TAFA1: variants seen among roughly 807,000 people sequenced by gnomAD.
The protein encoded by TAFA1 is TAFA chemokine like family member 1, also known as chemokine-like protein TAFA-1.
TAFA1 carries 4 observed loss-of-function variants against 18.5 expected under a neutral mutation model. The observed-to-expected ratio is 0.22, with a 90% CI of 0.11 to 0.49. TAFA1 has a LOEUF of 0.49. Ranked by LOEUF, TAFA1 falls within the 20% of genes least tolerant of loss-of-function variation. The pLI, the probability that TAFA1 is intolerant of heterozygous loss-of-function variation, is 0.98. For missense variants in TAFA1, 147 were observed against 169.0 expected (o/e 0.87, Z 0.72); for synonymous variants, 56 against 55.2 (o/e 1.01, Z -0.06).
At chr3:68,518,238 A>G (rs188102024) in intron 3 of TAFA1, among the ~76,000 whole-genome samples, 50 of 152,314 alleles carry the variant, frequency 3.3e-4, no homozygotes, top group African/African-American at 1.1e-3. Context: ...AAAATGAGAT[A>G]ATAGTAGTGC....
chr3:68,506,985 T>C (rs919059897), intron 3 of TAFA1, among the ~76,000 whole-genome samples: 2 of 152,104 alleles, frequency 1.3e-5, no homozygotes, highest in South Asian at 2.1e-4. Context: ...AGGAAGGTCT[T>C]CGATATTTTA....
At chr3:68,537,231 T>C (rs1190153941) in intron 3 of TAFA1, among the ~76,000 whole-genome samples, 3 of 152,142 alleles carry the variant, frequency 2.0e-5, no homozygotes, top group Admixed American at 1.3e-4. Context: ...CTTCATCTTC[T>C]GAAATTTTGA....
At chr3:68,383,094 G>A (rs2070010956) in intron 2 of TAFA1, among the ~76,000 whole-genome samples, 1 of 152,170 alleles carries the variant, frequency 6.6e-6, no homozygotes, top group Admixed American at 6.6e-5. Flanking sequence ...AGCTTAAGGA[G>A]CCTTTGGGCT....
intron 2 of TAFA1, among the ~76,000 whole-genome samples, chr3:68,019,279 GT>G (rs960148945): frequency 4.6e-5 from 7 of 152,092 alleles, no homozygotes; most frequent in Admixed American, 3.3e-4. Context: ...TGAAAGCATG[GT>G]TTTTTTCCTT....
intron 2 of TAFA1, among the ~76,000 whole-genome samples, chr3:68,331,400 C>T (rs2068867420): frequency 6.6e-6 from 1 of 151,976 alleles, no homozygotes; most frequent in Non-Finnish European, 1.5e-5. Context: ...GTACTAAATG[C>T]CACTAAATTT....
At chr3:68,503,711 A>G (rs1575930696) in intron 3 of TAFA1, among the ~76,000 whole-genome samples, 1 of 152,210 alleles carries the variant, frequency 6.6e-6, no homozygotes, top group East Asian at 1.9e-4. Context: ...CGTTTTTTGA[A>G]AAATCATTCC....
intron 4 of TAFA1, among the ~76,000 whole-genome samples, chr3:68,542,284 G>T (rs949995193): frequency 1.3e-5 from 2 of 152,052 alleles, no homozygotes; most frequent in African/African-American, 4.8e-5. Context: ...AAGTTTCATG[G>T]CCAAATTATT....
In TAFA1 at chr3:68,244,156, T is replaced by G. The variant is rs555773552; in HGVS notation, c.119-173124T>G. On this transcript the variant is annotated intron_variant, in intron 2 of 4. Transcript: ENST00000478136. Reference sequence around the variant, plus strand: ...GATTTTGAAAGATCTTTATTCTAGGTGCAAGTCCGTTGTCACATATGTGAT... The same window carrying G: ...GATTTTGAAAGATCTTTATTCTAGGGGCAAGTCCGTTGTCACATATGTGAT... Among the ~76,000 whole-genome samples the G allele has an allele frequency of 7.2e-5, 11 of 152,330 alleles. 1 individual carries two copies. Among genetic ancestry groups the G allele is most frequent in the African/African-American group, 2.6e-4 (11 of 41,588 alleles).
At chr3:68,513,008 G>T (rs894206556) in intron 3 of TAFA1, among the ~76,000 whole-genome samples, 5 of 152,064 alleles carry the variant, frequency 3.3e-5, no homozygotes, top group African/African-American at 4.8e-5. Context: ...GGTCCATGTT[G>T]TGTGTGGTAG....
intron 2 of TAFA1, among the ~76,000 whole-genome samples, chr3:68,207,472 C>A (rs1013899070): frequency 6.6e-6 from 1 of 151,852 alleles, no homozygotes; most frequent in African/African-American, 2.4e-5. Flanking sequence ...AAGTGAGAAA[C>A]TTCACAGAGT....
chr3:68,089,692 C>T (rs1006491482), intron 2 of TAFA1, among the ~76,000 whole-genome samples: 1 of 152,152 alleles, frequency 6.6e-6, no homozygotes, highest in Admixed American at 6.5e-5. Context: ...CCTGACCCCT[C>T]TTGCCTAGAT....
At chr3:68,026,241 C>T (rs1288346372) in intron 2 of TAFA1, among the ~76,000 whole-genome samples, 1 of 151,742 alleles carries the variant, frequency 6.6e-6, no homozygotes, top group Non-Finnish European at 1.5e-5. Flanking sequence ...AGGGGTTGGC[C>T]CACAGACGAA....
At chr3:68,019,052 G>C (rs1704626309) in intron 2 of TAFA1, among the ~76,000 whole-genome samples, 1 of 152,150 alleles carries the variant, frequency 6.6e-6, no homozygotes. Flanking sequence ...TCTCAGTCAG[G>C]TTTCCATTAC....
intron 2 of TAFA1, among the ~76,000 whole-genome samples, chr3:68,391,267 T>A (rs963291655): frequency 3.9e-5 from 6 of 151,988 alleles, no homozygotes; most frequent in Non-Finnish European, 4.4e-5. Flanking sequence ...TATTAGAGAC[T>A]GAAGATCAAC....
chr3:68,456,432 A>G (rs573153967), intron 3 of TAFA1, among the ~76,000 whole-genome samples: 95 of 152,038 alleles, frequency 6.2e-4, no homozygotes, highest in Non-Finnish European at 9.7e-4. Flanking sequence ...TCTCCTCAAA[A>G]ATTTGTTTAA....
intron 2 of TAFA1, among the ~76,000 whole-genome samples, chr3:68,154,334 C>G (rs1162817113): frequency 1.3e-5 from 2 of 152,144 alleles, no homozygotes; most frequent in Non-Finnish European, 2.9e-5. Context: ...GATCCACCTG[C>G]AAGATCCCAC....
At chr3:68,366,135 C>G (rs1347401749) in intron 2 of TAFA1, among the ~76,000 whole-genome samples, 5 of 150,436 alleles carry the variant, frequency 3.3e-5, no homozygotes, top group African/African-American at 4.9e-5. Flanking sequence ...GACTTATTCA[C>G]TACCATGAAA....
intron 2 of TAFA1, among the ~76,000 whole-genome samples, chr3:68,408,439 C>T (rs1405006425): frequency 6.6e-6 from 1 of 152,168 alleles, no homozygotes; most frequent in African/African-American, 2.4e-5. Context: ...TGGAAGTTCT[C>T]ATCTTTGCAA....
chr3:68,510,667 G>A (rs1221454124), intron 3 of TAFA1, among the ~76,000 whole-genome samples: 1 of 152,070 alleles, frequency 6.6e-6, no homozygotes, highest in Non-Finnish European at 1.5e-5. Flanking sequence ...GATAAACTGA[G>A]ACTCAAAAAA....
Sources: allele counts gnomAD v4.1 joint callset (sites outside exome capture counted in the v4.1 genomes callset), GRCh38; gene constraint gnomAD v4.1.1; transcripts MANE v1.5; gene names NCBI Gene and HGNC (gene_info 2026-07-23, HGNC 2026-07-21).